The following CREB3 variants were observed in gnomAD, a reference collection of about 807,000 sequenced individuals.
CREB3 encodes cAMP responsive element binding protein 3.
A neutral mutation model predicts 34.5 loss-of-function variants in CREB3; 29 were observed. The observed-to-expected ratio is 0.84, with a 90% CI of 0.63 to 1.15. The LOEUF is 1.15. Ranked by LOEUF, CREB3 falls within the 50% of genes most tolerant of loss-of-function variation. The pLI, the probability that CREB3 is intolerant of heterozygous loss-of-function variation, is 0.00. For synonymous variants in CREB3, 187 were observed against 173.9 expected (o/e 1.08, Z -0.59); for missense variants, 447 against 443.4 (o/e 1.01, Z -0.07).
Position 35,735,393 on chromosome 9 carries a change from C to T in CREB3, c.611+19C>T, listed in dbSNP as rs200235574. On this transcript the variant is annotated intron_variant, in intron 6 of 8. Coordinates refer to ENST00000353704, the MANE Select transcript of CREB3 (RefSeq NM_006368.5). ...AGAATTTGTAAGTATCCCTCCAAAC[C>T]ATTCCCTTCCTATGCCCCTCATTTA... 2 of 1,599,384 alleles carry T rather than the reference C, an allele frequency of 1.3e-6. No individual in the cohort carries two copies. The highest frequency in any genetic ancestry group is 2.2e-5 in the East Asian group (1 of 44,794).
rs1313872734 is a variant in CREB3, at chr9:35,733,002, AGC to A, written c.138_139del (p.Ser46ArgfsTer6). ...DWALPLSEVP[S>X]DWEVDDLLCS... ...TCATTGGAACCCTGCGCAGGTACCGAGCGACTGGGAAGTAGATGATTTGCTGT... is the reference window on the plus strand; with the variant it reads ...TCATTGGAACCCTGCGCAGGTACCGAGACTGGGAAGTAGATGATTTGCTGT... On this transcript the variant is annotated frameshift_variant, in exon 2 of 9. Transcript: ENST00000353704. LOFTEE classifies it high-confidence loss of function. The A allele has an allele frequency of 6.2e-7, 1 of 1,614,130 alleles. No homozygotes were observed. Among genetic ancestry groups the A allele is most frequent in the Non-Finnish European group, 8.5e-7 (1 of 1,180,004 alleles).
rs768487033 is a variant in CREB3 at position 35,735,093 on chromosome 9, C to T, written c.436-16C>T. The T allele has an allele frequency of 1.9e-6, 3 of 1,589,204 alleles. No individual in the cohort carries two copies. Among genetic ancestry groups the T allele is most frequent in the South Asian group, 2.3e-5 (2 of 86,424 alleles). On this transcript the variant is annotated splice_polypyrimidine_tract_variant and intron_variant, in intron 4 of 8. Transcript: ENST00000353704. ...AGAGTTCCTCTAATGATATCCCTTT[C>T]CCTGTTTCCTTTCAGACAGAGGAAC...
intron 8 of CREB3, 38 bp downstream of exon 8, chr9:35,736,349 G>C (rs1194212217): frequency 6.2e-7 from 1 of 1,613,316 alleles, no homozygotes; most frequent in Non-Finnish European, 8.5e-7. Flanking sequence ...CAGGGCAAGG[G>C]GAGAGGTCTG....
intron 6 of CREB3, among the ~76,000 whole-genome samples, 170 bp from the exon 7 acceptor site, chr9:35,735,878 G>A (rs546110266): frequency 1.3e-5 from 2 of 152,244 alleles, no homozygotes; most frequent in South Asian, 4.1e-4. Context: ...TTTTAATGAG[G>A]AACTTCAGGC....
At position 35,733,240 on chromosome 9, in the gene CREB3, G is replaced by A. The variant is rs1826125204; in HGVS notation, c.303G>A (p.Gly101=). 3 of 1,614,184 alleles carry A rather than the reference G, an allele frequency of 1.9e-6. No homozygotes were observed. The highest frequency in any genetic ancestry group is 2.5e-6 in the Non-Finnish European group (3 of 1,180,036). Residue 101 remains glycine, a synonymous_variant, in exon 3 of 9, where the codon GGG becomes GGA. Transcript: ENST00000353704. ...AGAGTGAGAGCTGTAGAAAAGAGGGGACCCAGATGACTCCACAGCATATGG... is the reference window on the plus strand; with the variant it reads ...AGAGTGAGAGCTGTAGAAAAGAGGGAACCCAGATGACTCCACAGCATATGG... ...DLESESCRKE[G]TQMTPQHMEE...
At position 35,733,408 on chromosome 9, in the gene CREB3, C is replaced by T. The variant is rs1287856155; in HGVS notation, c.358C>T (p.Leu120=). Residue 120 remains leucine, a synonymous_variant, in exon 4 of 9, where the codon CTA becomes TTA. Coordinates refer to ENST00000353704, the MANE Select transcript of CREB3 (RefSeq NM_006368.5). ...EELAEQEIAR[L]VLTDEEKSLL... The stretch of plus-strand genomic sequence containing the variant: ...CTTGTTACCCTAGGAGATTGCTAGG[C>T]TAGTACTGACAGATGAGGAGAAGAG... 2 of 1,613,154 alleles carry T rather than the reference C, an allele frequency of 1.2e-6. No homozygotes were observed. The highest frequency in any genetic ancestry group is 1.7e-6 in the Non-Finnish European group (2 of 1,179,108).
chr9:35,736,204 A>T (rs1446120663), intron 7 of CREB3, 23 bp from the exon 8 acceptor site: 1 of 1,613,656 alleles, frequency 6.2e-7, no homozygotes, highest in South Asian at 1.1e-5. Context: ...GCCCTTCTTC[A>T]TCTCCTTTTT....
chr9:35,735,992 G>C, intron 6 of CREB3, 56 bp from the exon 7 acceptor site: 1 of 1,348,080 alleles, frequency 7.4e-7, no homozygotes, highest in Admixed American at 1.7e-5. Context: ...GAGTTTCACT[G>C]TGTCTCAGGA....
Position 35,736,229 on chromosome 9 carries a change from C to T in CREB3, c.699C>T (p.Val233=). The T allele has an allele frequency of 1.2e-6, 2 of 1,614,080 alleles. No individual in the cohort carries two copies. The highest frequency in any genetic ancestry group is 1.7e-6 in the Non-Finnish European group (2 of 1,179,982). ...KTSSSSTCIL[V]LLVSFCLLLV... ...ATCTCCTTTTTCCTGTGCTCTAGGT[C>T]CTACTAGTCTCCTTCTGCCTCCTCC... The change falls in exon 8 of 9, where the codon GTC becomes GTT. Residue 233 remains valine (V), a splice_region_variant and synonymous_variant. Transcript: ENST00000353704.
chr9:35,732,701 G>C lies in CREB3; in HGVS notation c.-72G>C. 5.8e-6 allele frequency: 9 copies of C among 1,550,442 alleles called. No individual in the cohort carries two copies. The highest frequency in any genetic ancestry group is 7.0e-6 in the Non-Finnish European group (8 of 1,150,148). Reference sequence around the variant, plus strand: ...AGTGGATAGGTGCCCGAGGCCTACAGCTGGCCTGGGGCTCGTGTCTGGGCT... The same window carrying C: ...AGTGGATAGGTGCCCGAGGCCTACACCTGGCCTGGGGCTCGTGTCTGGGCT... On this transcript the variant is annotated 5_prime_UTR_variant, in exon 1 of 9. Coordinates refer to ENST00000353704, the MANE Select transcript of CREB3 (RefSeq NM_006368.5). This position sits in a 1 kb window ranked among gnomAD's most constrained non-coding sequence, Gnocchi z 5.1.
rs11996 is a variant in CREB3, at chr9:35,736,559, C to T, written c.949C>T (p.Gln317Ter). 3.7e-6 allele frequency: 6 copies of T among 1,614,206 alleles called. No individual in the cohort carries two copies. The highest frequency in any genetic ancestry group is 5.1e-6 in the Non-Finnish European group (6 of 1,180,036). ...TTCCTGCCTGCTGCATTACATGCCT[C>T]AGGCTCCCAGTGCAGAGCCTCCCCT... ...NTSCLLHYMP[Q>*]APSAEPPLEW... The change falls in exon 9 of 9, where the codon CAG becomes TAG. Residue 317 changes from glutamine to a stop codon, truncating the protein, a stop_gained. Transcript: ENST00000353704. LOFTEE classifies it low-confidence loss of function (END_TRUNC).
chr9:35,733,533 C>G (rs939495097), intron 4 of CREB3, 48 bp downstream of exon 4: 3 of 1,321,516 alleles, frequency 2.3e-6, no homozygotes, highest in Admixed American at 1.8e-5. Flanking sequence ...ATTAAAAGTC[C>G]CAAGTAGGCA....
In CREB3 at chr9:35,736,604, C is replaced by G. The variant is rs755316161; in HGVS notation, c.994C>G (p.Leu332Val). The G allele has an allele frequency of 2.5e-6, 4 of 1,613,920 alleles. No individual in the cohort carries two copies. The highest frequency in any genetic ancestry group is 3.4e-6 in the Non-Finnish European group (4 of 1,180,030). The change falls in exon 9 of 9, where the codon CTC (leucine) becomes GTC (valine). Residue 332 changes from leucine to valine, a missense_variant. By Grantham distance (32) the Leu-to-Val change is conservative. Coordinates refer to ENST00000353704, the MANE Select transcript of CREB3 (RefSeq NM_006368.5). ...TCCCCTGGAGTGGCCATTCCCTGACCTCTTCTCAGAGCCTCTCTGCCGAGG... is the reference window on the plus strand; with the variant it reads ...TCCCCTGGAGTGGCCATTCCCTGACGTCTTCTCAGAGCCTCTCTGCCGAGG... ...EPPLEWPFPDLFSEPLCRGPI... is the reference protein window; with the variant it reads ...EPPLEWPFPDVFSEPLCRGPI...
chr9:35,732,932 G>A lies in CREB3; in HGVS notation c.129+31G>A. 1.2e-6 allele frequency: 2 copies of A among 1,612,924 alleles called. No individual in the cohort carries two copies. The highest frequency in any genetic ancestry group is 1.7e-6 in the Non-Finnish European group (2 of 1,179,212). ...TTGGGGTTCTGACTGGGGAAAGCGT[G>A]GGATGTCCATGAAGTCAGGTGATGG... On this transcript the variant is annotated intron_variant, in intron 1 of 8. Coordinates refer to ENST00000353704, the MANE Select transcript of CREB3 (RefSeq NM_006368.5). The surrounding 1 kb of genome is among the most constrained non-coding windows in gnomAD (Gnocchi z 5.1).
Position 35,732,990 on chromosome 9 carries a change from G to C in CREB3, c.130-6G>C. On this transcript the variant is annotated splice_polypyrimidine_tract_variant and splice_region_variant and intron_variant, in intron 1 of 8. Transcript: ENST00000353704. The surrounding 1 kb of genome is among the most constrained non-coding windows in gnomAD (Gnocchi z 5.1). The stretch of plus-strand genomic sequence containing the variant: ...GTCAAGGCCTGTTCATTGGAACCCT[G>C]CGCAGGTACCGAGCGACTGGGAAGT... 1 of 1,614,126 alleles carries C rather than the reference G, an allele frequency of 6.2e-7. No individual in the cohort carries two copies. The highest frequency in any genetic ancestry group is 1.3e-5 in the African/African-American group (1 of 75,072).
At position 35,733,283 on chromosome 9, in the gene CREB3, G is replaced by T. The variant is rs1563950800; in HGVS notation, c.345+1G>T. 3 of 1,614,074 alleles carry T rather than the reference G, an allele frequency of 1.9e-6. No individual in the cohort carries two copies. The highest frequency in any genetic ancestry group is 2.5e-6 in the Non-Finnish European group (3 of 1,180,036). ...GCATATGGAGGAGCTGGCAGAGCAG[G>T]TACTTGACTTGATTTTCAGGAGATT... is the stretch of plus-strand genomic sequence containing the variant. On this transcript the variant is annotated splice_donor_variant, in intron 3 of 8. Coordinates refer to ENST00000353704, the MANE Select transcript of CREB3 (RefSeq NM_006368.5). LOFTEE classifies it high-confidence loss of function.
chr9:35,732,883 G>A lies in CREB3; in HGVS notation c.111G>A (p.Trp37Ter). 1 of 1,614,010 alleles carries A rather than the reference G, an allele frequency of 6.2e-7. No homozygotes were observed. The highest frequency in any genetic ancestry group is 8.5e-7 in the Non-Finnish European group (1 of 1,179,952). The stretch of plus-strand genomic sequence containing the variant: ...AGGCCGTGAGGGCCCCACTGGACTG[G>A]GCGCTGCCGCTTTCTGAGGTAGGTT... Reference protein sequence around the residue: ...PDEAVRAPLDWALPLSEVPSD... With the variant: ...PDEAVRAPLD The change falls in exon 1 of 9, where the codon TGG becomes TGA. Residue 37 changes from tryptophan (W) to a stop codon, truncating the protein, a stop_gained. Coordinates refer to ENST00000353704, the MANE Select transcript of CREB3 (RefSeq NM_006368.5). LOFTEE classifies it high-confidence loss of function. This position sits in a 1 kb window ranked among gnomAD's most constrained non-coding sequence, Gnocchi z 5.1.
chr9:35,736,079 G>GAT lies in CREB3; in HGVS notation c.643_644insAT (p.Ala215AspfsTer4). 6.2e-7 allele frequency: 1 copy of GAT among 1,614,044 alleles called. No homozygotes were observed. The highest frequency in any genetic ancestry group is 8.5e-7 in the Non-Finnish European group (1 of 1,179,984). ...TCTAGATCAACTGAGGAAACTCCAG[G>GAT]CCATGGTGATTGAGATATCAAACAA... is the stretch of plus-strand genomic sequence containing the variant. On this transcript the variant is annotated frameshift_variant, in exon 7 of 9. Transcript: ENST00000353704. LOFTEE classifies it high-confidence loss of function.
chr9:35,733,360 C>T (rs1162316701), intron 3 of CREB3, 36 bp from the exon 4 acceptor site: 2 of 1,608,638 alleles, frequency 1.2e-6, no homozygotes, highest in East Asian at 2.2e-5. Flanking sequence ...CTCTGACATC[C>T]CCATGCAACT....
Sources: gnomAD v4.1 joint callset for allele counts (sites outside exome capture counted in the v4.1 genomes callset) on GRCh38, gnomAD v4.1.1 for gene constraint, Gnocchi (gnomAD v3.1) non-coding constraint, MANE v1.5 for transcripts, NCBI Gene and HGNC (gene_info 2026-07-23, HGNC 2026-07-21) for gene names.